Variants in SLC8A3 observed in about 807,000 individuals in gnomAD.
The protein encoded by SLC8A3 is solute carrier family 8 member A3.
Under a neutral mutation model 65.4 loss-of-function variants are expected in SLC8A3, and 37 were observed. That is an observed-to-expected ratio of 0.57 (90% CI 0.44 to 0.74). SLC8A3 has a LOEUF of 0.74. Ranked by LOEUF, SLC8A3 falls within the 30% of genes least tolerant of loss-of-function variation. The probability of loss-of-function intolerance (pLI) is 0.00; values close to 1 mark genes in which losing one functional copy is unlikely to be tolerated. For missense variants in SLC8A3, 1,112 were observed against 1,172.1 expected (o/e 0.95, Z 0.75); for synonymous variants, 461 against 444.5 (o/e 1.04, Z -0.47).
At chr14:70,062,256 G>A (rs991776381) in intron 2 of SLC8A3, among the ~76,000 whole-genome samples, 1 of 152,136 alleles carries the variant, frequency 6.6e-6, no homozygotes, top group African/African-American at 2.4e-5. Context: ...TTATAATGTA[G>A]TAGACTGACC....
At chr14:70,137,672 A>C (rs913665874) in intron 2 of SLC8A3, among the ~76,000 whole-genome samples, 2 of 151,820 alleles carry the variant, frequency 1.3e-5, no homozygotes, top group African/African-American at 2.4e-5. Context: ...GAGGAGGATG[A>C]GTTTTCAGCA....
chr14:70,117,051 C>T (rs1244837057), intron 2 of SLC8A3, among the ~76,000 whole-genome samples: 1 of 152,222 alleles, frequency 6.6e-6, no homozygotes, highest in African/African-American at 2.4e-5. Context: ...TACCTGTGTT[C>T]TCCAGGGGAT....
chr14:70,098,432 T>C (rs1892336521), intron 2 of SLC8A3, among the ~76,000 whole-genome samples: 1 of 152,150 alleles, frequency 6.6e-6, no homozygotes. Flanking sequence ...AAGATGCAGA[T>C]TTAATGAGGC....
chr14:70,181,252 C>T (rs79609411), intron 1 of SLC8A3, among the ~76,000 whole-genome samples: 13,297 of 152,100 alleles, frequency 0.087, 817 homozygotes, highest in Non-Finnish European at 0.13. Context: ...TTTTCCTGTC[C>T]CTGGTTTGAA....
In SLC8A3 at chr14:70,045,978, A is replaced by AGTG. The variant is rs1433012694; in HGVS notation, c.2732_2734dup (p.Thr911_Leu912insPro). Reference sequence around the variant, plus strand: ...CCCCTTGATGTAGCAATAGGCCTCTAGTGTGGCAAAGAGTATGTAGAGGAG... The same window carrying AGTG: ...CCCCTTGATGTAGCAATAGGCCTCTAGTGGTGTGGCAAAGAGTATGTAGAGGAG... On this transcript the variant is annotated inframe_insertion, in exon 7 of 7. Transcript: ENST00000356921. The AGTG allele has an allele frequency of 6.2e-7, 1 of 1,604,852 alleles. No individual in the cohort carries two copies. The highest frequency in any genetic ancestry group is 1.3e-5 in the African/African-American group (1 of 74,740).
chr14:70,094,045 G>A (rs1186578035), intron 2 of SLC8A3, among the ~76,000 whole-genome samples: 1 of 152,324 alleles, frequency 6.6e-6, no homozygotes, highest in Non-Finnish European at 1.5e-5. Flanking sequence ...ATGGAAAAGT[G>A]GCCAGGGGAG....
In SLC8A3 at chr14:70,046,231, G is replaced by A; in HGVS notation, c.2482C>T (p.Leu828=). Residue 828 remains leucine (L), a synonymous_variant, in exon 7 of 7, where the codon CTG becomes TTG. Transcript: ENST00000356921. This position sits in a 1 kb window ranked among gnomAD's most constrained non-coding sequence, Gnocchi z 4.2. ...ACGGACCAGGCCAGGCCGATGCCCA[G>A]GAAGACATTGACGGCGTTGCTGCCC... is the stretch of plus-strand genomic sequence containing the variant. The part of the protein sequence containing the change: ...VTGSNAVNVF[L]GIGLAWSVAA... 6.2e-7 allele frequency: 1 copy of A among 1,614,254 alleles called. No homozygotes were observed. Among genetic ancestry groups the A allele is most frequent in the Non-Finnish European group, 8.5e-7 (1 of 1,180,042 alleles).
intron 2 of SLC8A3, chr14:70,063,771 CA>C: frequency 2.0e-6 from 2 of 1,002,532 alleles, no homozygotes; most frequent in Non-Finnish European, 3.1e-6. Context: ...GAGGAAGAAA[CA>C]GAAGAGGAGA....
At chr14:70,181,637 A>G (rs1349256875) in intron 1 of SLC8A3, among the ~76,000 whole-genome samples, 5 of 152,180 alleles carry the variant, frequency 3.3e-5, no homozygotes, top group Admixed American at 3.3e-4. Context: ...GGGGAAGGTA[A>G]ACTGTGAACA....
chr14:70,060,239 C>A (rs1888630917), intron 3 of SLC8A3: 1 of 182,464 alleles, frequency 5.5e-6, no homozygotes, highest in African/African-American at 2.4e-5. Flanking sequence ...GAATAACCTG[C>A]CAAGCGTTCA....
chr14:70,045,882 T>TGGGGAAGTGCCCTTCTCTTA lies in SLC8A3; in HGVS notation c.*45_*64dup. 7.0e-7 allele frequency: 1 copy of TGGGGAAGTGCCCTTCTCTTA among 1,438,070 alleles called. No individual in the cohort carries two copies. The highest frequency in any genetic ancestry group is 9.3e-7 in the Non-Finnish European group (1 of 1,075,962). 89.1% of individuals were successfully genotyped at this position (1,438,070 alleles called of 1,614,324 possible). On this transcript the variant is annotated 3_prime_UTR_variant, in exon 7 of 7. Coordinates refer to ENST00000356921, the MANE Select transcript of SLC8A3 (RefSeq NM_182932.3). The stretch of plus-strand genomic sequence containing the variant: ...CAGTGCAGTCGGGAGAGATCACTGG[T>TGGGGAAGTGCCCTTCTCTTA]GGGGAAGTGCCCTTCTCTTAGGAGA...
chr14:70,144,327 TTTTTAAA>T (rs1464704361), intron 2 of SLC8A3, among the ~76,000 whole-genome samples: 9 of 140,754 alleles, frequency 6.4e-5, no homozygotes, highest in Non-Finnish European at 1.2e-4. Flanking sequence ...TTTTTTTTTT[TTTTTAAA>T]AAAAAAAAAA....
intron 2 of SLC8A3, among the ~76,000 whole-genome samples, chr14:70,091,772 G>A (rs1891820260): frequency 6.6e-6 from 1 of 152,162 alleles, no homozygotes; most frequent in Non-Finnish European, 1.5e-5. Context: ...TTAGAAGTGT[G>A]ACCTGCAGGA....
intron 1 of SLC8A3, among the ~76,000 whole-genome samples, chr14:70,183,389 T>G (rs912531785): frequency 1.4e-4 from 22 of 152,240 alleles, no homozygotes; most frequent in Non-Finnish European, 2.4e-4. Context: ...CCTGTCTAGA[T>G]GTCTTGCTCT....
rs73276784 is a variant in SLC8A3, at chr14:70,149,805, T to C, written c.1784+16834A>G. ...TCTCCTTCACTTTCTACATTCCATC[T>C]TTCTTTCCCTTCATCTCCAAAACAA... is the stretch of plus-strand genomic sequence containing the variant. On this transcript the variant is annotated intron_variant, in intron 2 of 6. Coordinates refer to ENST00000356921, the MANE Select transcript of SLC8A3 (RefSeq NM_182932.3). Among the ~76,000 whole-genome samples, 529 of 152,310 alleles carry C rather than the reference T, an allele frequency of 3.5e-3. 2 individuals are homozygous for C. Among genetic ancestry groups the C allele is most frequent in the African/African-American group, 0.012 (507 of 41,564 alleles).
chr14:70,182,284 T>G (rs1193617969), intron 1 of SLC8A3, among the ~76,000 whole-genome samples: 1 of 152,138 alleles, frequency 6.6e-6, no homozygotes, highest in Admixed American at 6.5e-5. Context: ...TTGGAGATAC[T>G]GTGCACACGG....
intron 1 of SLC8A3, among the ~76,000 whole-genome samples, chr14:70,172,681 GAA>G (rs147893506): frequency 7.4e-4 from 78 of 105,126 alleles, no homozygotes; most frequent in African/African-American, 2.7e-3. Context: ...GATTAAAAAA[GAA>G]AAAAAAAAAA....
chr14:70,171,756 C>T (rs61978187), intron 1 of SLC8A3, among the ~76,000 whole-genome samples: 16,244 of 152,166 alleles, frequency 0.11, 1,173 homozygotes, highest in Non-Finnish European at 0.16. Flanking sequence ...GCCAAGATCG[C>T]GCCATTGCAC....
intron 1 of SLC8A3, among the ~76,000 whole-genome samples, chr14:70,169,697 G>GT (rs1555384582): frequency 6.9e-6 from 1 of 145,788 alleles, no homozygotes; most frequent in African/African-American, 2.5e-5. Flanking sequence ...AAAGTGGGGG[G>GT]GGGGGCGATC....
Sources: allele counts gnomAD v4.1 joint callset (sites outside exome capture counted in the v4.1 genomes callset), GRCh38; gene constraint gnomAD v4.1.1; non-coding constraint Gnocchi (gnomAD v3.1); transcripts MANE v1.5; gene names NCBI Gene and HGNC (gene_info 2026-07-23, HGNC 2026-07-21).